The following AR variants were observed in gnomAD, a reference collection of about 807,000 sequenced individuals.
AR encodes the protein dihydrotestosterone receptor.
In AR, 8 loss-of-function variants were observed where a neutral mutation model predicts 53.9. The observed-to-expected ratio is 0.15, with a 90% CI of 0.09 to 0.27. The LOEUF (loss-of-function observed/expected upper bound fraction) is 0.27, where lower values mean the gene tolerates loss of function less well. AR is among the 10% of genes least tolerant of loss of function. The pLI, the probability that AR is intolerant of heterozygous loss-of-function variation, is 1.00. For missense variants in AR, 639 were observed against 742.5 expected, an observed-to-expected ratio of 0.86 and a Z score of 1.62; for synonymous variants, 359 against 316.4, an observed-to-expected ratio of 1.13 and a Z score of -1.43.
At chrX:67,707,198 A>G (rs767608874) in intron 3 of AR, among the ~76,000 whole-genome samples, 1 of 110,842 alleles carries the variant, frequency 9.0e-6, no homozygotes, top group Non-Finnish European at 1.9e-5. Flanking sequence ...ATTCCTGGAT[A>G]TCCTTTGTGT....
chrX:67,584,155 C>T lies in AR; in HGVS notation c.1616+37393C>T, dbSNP rs760579716. 4.2e-4 allele frequency among the ~76,000 whole-genome samples: 47 copies of T among 111,984 alleles called. 1 individual carries two copies. Among genetic ancestry groups the T allele is most frequent in the African/African-American group, 1.4e-3 (44 of 30,837 alleles). On this transcript the variant is annotated intron_variant, in intron 1 of 7. Coordinates refer to ENST00000374690, the MANE Select transcript of AR (RefSeq NM_000044.6). ...GGATCCTGGAAAGAAAATATATTGTCTATATCCACTGTTCACTGAGGCCCT... is the reference window on the plus strand; with the variant it reads ...GGATCCTGGAAAGAAAATATATTGTTTATATCCACTGTTCACTGAGGCCCT...
intron 1 of AR, among the ~76,000 whole-genome samples, chrX:67,614,822 A>G (rs1924038951): frequency 2.7e-5 from 3 of 111,141 alleles, no homozygotes; most frequent in South Asian, 3.7e-4. Flanking sequence ...TGAAGGAACT[A>G]TGTCTAAAAT....
At chrX:67,688,476 G>A (rs1345774264) in intron 3 of AR, among the ~76,000 whole-genome samples, 2 of 111,583 alleles carry the variant, frequency 1.8e-5, no homozygotes, top group East Asian at 5.6e-4. Flanking sequence ...GAGGTCACTA[G>A]TAATTTAGCT....
chrX:67,670,562 A>G (rs997222411), intron 2 of AR, among the ~76,000 whole-genome samples: 1 of 107,183 alleles, frequency 9.3e-6, no homozygotes, highest in Admixed American at 1.0e-4. Context: ...TATAGTATAT[A>G]TATAATACAT....
Position 67,724,800 on chromosome X carries a change from T to TTCTC in AR, c.*961_*964dup, listed in dbSNP as rs2076151670. ...TTTTCTAAGACCTTTGAACTGAATG[T>TTCTC]TCTCTTCAGCCAAAACTTGGCGACT... On this transcript the variant is annotated 3_prime_UTR_variant, in exon 8 of 8. Coordinates refer to ENST00000374690, the MANE Select transcript of AR (RefSeq NM_000044.6). 1 of 173,824 alleles carries TTCTC rather than the reference T, an allele frequency of 5.8e-6. No homozygotes were observed. The highest frequency in any genetic ancestry group is 7.9e-5 in the Admixed American group (1 of 12,609). The allele number at this position is 173,824 out of a possible 1,213,427, so 14.3% of individuals were successfully genotyped here.
intron 1 of AR, among the ~76,000 whole-genome samples, chrX:67,553,884 A>G (rs761550538): frequency 3.6e-5 from 4 of 112,023 alleles, no homozygotes; most frequent in Non-Finnish European, 3.8e-5. Context: ...TTGTATATTG[A>G]TCTTGTATCC....
rs113027274 is a variant in AR, at chrX:67,714,815, A to T, written c.2174-2663A>T. 3.3e-3 allele frequency among the ~76,000 whole-genome samples: 367 copies of T among 111,770 alleles called. 1 individual carries two copies. The highest frequency in any genetic ancestry group is 0.011 in the African/African-American group (346 of 30,748). ...TTCCTCAAGTAATCCCTTGATAGTC[A>T]TGTAGGCTACTTCAGAGATTGGGCA... On this transcript the variant is annotated intron_variant, in intron 4 of 7. Coordinates refer to ENST00000374690, the MANE Select transcript of AR (RefSeq NM_000044.6).
intron 2 of AR, among the ~76,000 whole-genome samples, chrX:67,665,187 T>A (rs946045593): frequency 1.8e-5 from 2 of 112,464 alleles, no homozygotes; most frequent in African/African-American, 6.5e-5. Context: ...AATGCAGAAA[T>A]CACCCATCTT....
rs772235492 is a variant in AR at position 67,723,036 on chromosome X, A to AATG, written c.2607+55_2607+57dup. 4.3e-5 allele frequency: 51 copies of AATG among 1,180,541 alleles called. No homozygotes were observed. In the South Asian group the frequency reaches 8.4e-4, roughly 20 times the overall value. ...TCAGGGAGAACAGCCTGATAGAGCCAATGATAATATGCTTCTCTAGAGTCT... is the reference window on the plus strand; with the variant it reads ...TCAGGGAGAACAGCCTGATAGAGCCAATGATGATAATATGCTTCTCTAGAGTCT... On this transcript the variant is annotated intron_variant, in intron 7 of 7. Coordinates refer to ENST00000374690, the MANE Select transcript of AR (RefSeq NM_000044.6).
At chrX:67,562,379 T>C (rs1921367131) in intron 1 of AR, among the ~76,000 whole-genome samples, 1 of 109,553 alleles carries the variant, frequency 9.1e-6, no homozygotes, top group Non-Finnish European at 1.9e-5. Context: ...TGTGTGTGTG[T>C]GTGTGTGTGT....
chrX:67,669,667 T>G (rs1473479003), intron 2 of AR, among the ~76,000 whole-genome samples: 1 of 111,333 alleles, frequency 9.0e-6, no homozygotes, highest in Non-Finnish European at 1.9e-5. Flanking sequence ...ATTATTGTTT[T>G]GGGATCTTTC....
At chrX:67,721,810 T>C in intron 5 of AR, 23 bp from the exon 6 acceptor site, 1 of 1,210,562 alleles carries the variant, frequency 8.3e-7, no homozygotes, top group Middle Eastern at 2.3e-4. Flanking sequence ...CATTCCTTTT[T>C]CCTCTGTGTA....
chrX:67,600,595 C>A (rs137877577), intron 1 of AR, among the ~76,000 whole-genome samples: 2,450 of 109,875 alleles, frequency 0.022, 32 homozygotes, highest in Non-Finnish European at 0.034. Context: ...GTTTAATGGG[C>A]ACAAAAAAAT....
chrX:67,579,949 C>T (rs1922216968), intron 1 of AR, among the ~76,000 whole-genome samples: 1 of 110,972 alleles, frequency 9.0e-6, no homozygotes, highest in Admixed American at 9.6e-5. Context: ...CTGAGTAGTA[C>T]CATAAGTTGT....
At chrX:67,578,556 A>C (rs1029839005) in intron 1 of AR, among the ~76,000 whole-genome samples, 20 of 111,869 alleles carry the variant, frequency 1.8e-4, no homozygotes, top group Non-Finnish European at 3.6e-4. Context: ...TGGTTTTGCT[A>C]TTTCTTAGCT....
In AR at chrX:67,584,131, G is replaced by A. The variant is rs773190014; in HGVS notation, c.1616+37369G>A. Reference sequence around the variant, plus strand: ...ATAGCATTTGTTACTACTTATTGGGGATCCTGGAAAGAAAATATATTGTCT... The same window carrying A: ...ATAGCATTTGTTACTACTTATTGGGAATCCTGGAAAGAAAATATATTGTCT... On this transcript the variant is annotated intron_variant, in intron 1 of 7. Transcript: ENST00000374690. Among the ~76,000 whole-genome samples the A allele has an allele frequency of 1.3e-4, 15 of 111,851 alleles. No homozygotes were observed. The East Asian group carries it at 2.8e-3, about 21-fold the overall frequency.
Position 67,727,334 on chromosome X carries a change from G to A in AR, c.*3493G>A. ...TCACTGGCACTAAAAAATATAGAGAGCTTCATTCTGTCCTTTGGGTAGTTG... is the reference window on the plus strand; with the variant it reads ...TCACTGGCACTAAAAAATATAGAGAACTTCATTCTGTCCTTTGGGTAGTTG... On this transcript the variant is annotated 3_prime_UTR_variant, in exon 8 of 8. Coordinates refer to ENST00000374690, the MANE Select transcript of AR (RefSeq NM_000044.6). 1 of 170,639 alleles carries A rather than the reference G, an allele frequency of 5.9e-6. No individual in the cohort carries two copies. The highest frequency in any genetic ancestry group is 1.1e-5 in the Non-Finnish European group (1 of 88,458). 14.1% of individuals were successfully genotyped at this position (170,639 alleles called of 1,213,427 possible).
intron 1 of AR, among the ~76,000 whole-genome samples, chrX:67,572,607 A>G (rs1921865649): frequency 9.0e-6 from 1 of 111,704 alleles, no homozygotes; most frequent in Non-Finnish European, 1.9e-5. Flanking sequence ...ATACAAAAGG[A>G]AAAGGACAGC....
intron 1 of AR, among the ~76,000 whole-genome samples, chrX:67,569,843 G>A (rs186094753): frequency 7.6e-4 from 85 of 111,311 alleles, no homozygotes; most frequent in African/African-American, 2.7e-3. Context: ...CATTCTTTGT[G>A]TGACTGCTTC....
Sources: allele counts gnomAD v4.1 joint callset (sites outside exome capture counted in the v4.1 genomes callset), GRCh38; gene constraint gnomAD v4.1.1; transcripts MANE v1.5; gene names NCBI Gene and HGNC (gene_info 2026-07-23, HGNC 2026-07-21).